Variants in KIF16B observed in about 807,000 individuals in gnomAD.
The protein encoded by KIF16B is kinesin-like protein KIF16B.
Under a neutral mutation model 156.3 loss-of-function variants are expected in KIF16B, and 98 were observed. That is an observed-to-expected ratio of 0.63 (90% CI 0.53 to 0.74). The LOEUF is 0.74. KIF16B is among the 30% of genes least tolerant of loss of function. The pLI, the probability that KIF16B is intolerant of heterozygous loss-of-function variation, is 0.00. For synonymous variants in KIF16B, 564 were observed against 583.7 expected, an observed-to-expected ratio of 0.97 and a Z score of 0.49; for missense variants, 1,421 against 1,606.5, an observed-to-expected ratio of 0.88 and a Z score of 1.97.
intron 1 of KIF16B, among the ~76,000 whole-genome samples, chr20:16,537,702 T>C (rs1454249134): frequency 5.1e-5 from 7 of 138,304 alleles, no homozygotes; most frequent in Non-Finnish European, 7.8e-5. Context: ...TTTCTTTTTT[T>C]CGTTTTTTTT....
chr20:16,512,220 T>C (rs952170649), intron 5 of KIF16B, among the ~76,000 whole-genome samples: 6 of 152,162 alleles, frequency 3.9e-5, no homozygotes, highest in African/African-American at 7.2e-5. Flanking sequence ...GATTATTTCA[T>C]TGAATCTCCA....
At chr20:16,538,396 T>C (rs1194909172) in intron 1 of KIF16B, among the ~76,000 whole-genome samples, 1 of 152,244 alleles carries the variant, frequency 6.6e-6, no homozygotes, top group African/African-American at 2.4e-5. Flanking sequence ...AAGATATTAT[T>C]TGACATTAAT....
chr20:16,526,246 G>A (rs2069541542), intron 2 of KIF16B, 41 bp from the exon 3 acceptor site: 1 of 1,164,152 alleles, frequency 8.6e-7, no homozygotes, highest in Non-Finnish European at 1.2e-6. Flanking sequence ...AATGTAAAGA[G>A]CACTGCCATT....
intron 2 of KIF16B, 134 bp downstream of exon 2, chr20:16,528,237 A>C: frequency 1.5e-6 from 1 of 656,186 alleles, no homozygotes; most frequent in East Asian, 2.7e-5. Flanking sequence ...AGCCAGGTGC[A>C]AGCTGACGTG....
intron 1 of KIF16B, among the ~76,000 whole-genome samples, chr20:16,533,966 AAAAT>A (rs1365849057): frequency 6.6e-6 from 1 of 152,210 alleles, no homozygotes; most frequent in African/African-American, 2.4e-5. Context: ...TAAAAAATAA[AAAAT>A]AAAGATGTGG....
intron 3 of KIF16B, among the ~76,000 whole-genome samples, chr20:16,519,795 T>C (rs912685844): frequency 4.6e-5 from 7 of 152,206 alleles, no homozygotes; most frequent in Non-Finnish European, 5.9e-5. Context: ...AAGTGATTTC[T>C]GGATTTTCAA....
chr20:16,321,865 G>T (rs1207103246), intron 24 of KIF16B, among the ~76,000 whole-genome samples: 14 of 152,006 alleles, frequency 9.2e-5, no homozygotes, highest in Non-Finnish European at 7.4e-5. Context: ...GCAGGAGTGG[G>T]AAATGATGCA....
chr20:16,469,761 C>T (rs564896862), intron 12 of KIF16B, among the ~76,000 whole-genome samples: 6 of 152,034 alleles, frequency 3.9e-5, no homozygotes, highest in Admixed American at 1.3e-4. Flanking sequence ...CAAGACAGTT[C>T]GGCAATTTCT....
At chr20:16,372,931 C>A (rs749379958) in intron 20 of KIF16B, among the ~76,000 whole-genome samples, 8 of 152,188 alleles carry the variant, frequency 5.3e-5, no homozygotes, top group Non-Finnish European at 1.2e-4. Flanking sequence ...CTCCTGACCT[C>A]AGGTGATCTG....
intron 12 of KIF16B, among the ~76,000 whole-genome samples, chr20:16,469,207 G>A (rs1009598972): frequency 9.7e-5 from 14 of 144,634 alleles, no homozygotes; most frequent in African/African-American, 3.6e-4. Context: ...AGCTTATGAT[G>A]GTGCCACTGC....
At chr20:16,500,591 T>C (rs1022185094) in intron 10 of KIF16B, among the ~76,000 whole-genome samples, 1 of 152,198 alleles carries the variant, frequency 6.6e-6, no homozygotes, top group African/African-American at 2.4e-5. Flanking sequence ...TTTTTTCAAT[T>C]ACGAAAGTTG....
intron 12 of KIF16B, among the ~76,000 whole-genome samples, chr20:16,485,666 G>A (rs118015006): frequency 0.019 from 2,962 of 152,190 alleles, 48 homozygotes; most frequent in Non-Finnish European, 0.024. Context: ...AGCCACACTG[G>A]GCCTTTAAAA....
intron 25 of KIF16B, among the ~76,000 whole-genome samples, chr20:16,283,796 G>T (rs1397870946): frequency 6.6e-6 from 1 of 152,110 alleles, no homozygotes; most frequent in Non-Finnish European, 1.5e-5. Flanking sequence ...TGTTAAAAAG[G>T]CTGGGCTCCT....
intron 24 of KIF16B, among the ~76,000 whole-genome samples, chr20:16,313,755 G>A (rs2122722187): frequency 6.6e-6 from 1 of 152,282 alleles, no homozygotes; most frequent in South Asian, 2.1e-4. Context: ...ATGTTGTTAT[G>A]CGTAGCAATA....
At chr20:16,376,623 C>T (rs1237830344) in intron 19 of KIF16B, among the ~76,000 whole-genome samples, 2 of 152,234 alleles carry the variant, frequency 1.3e-5, no homozygotes, top group Non-Finnish European at 2.9e-5. Context: ...TTCATCAAAA[C>T]TCATGAAGCT....
At chr20:16,478,835 T>C (rs1213883261) in intron 12 of KIF16B, among the ~76,000 whole-genome samples, 1 of 152,212 alleles carries the variant, frequency 6.6e-6, no homozygotes, top group Non-Finnish European at 1.5e-5. Flanking sequence ...ATAGTATACA[T>C]AGGGCTCAGT....
intron 12 of KIF16B, among the ~76,000 whole-genome samples, chr20:16,489,681 A>G (rs1600526985): frequency 6.7e-6 from 1 of 150,180 alleles, no homozygotes. Flanking sequence ...TGGGTGACAG[A>G]GTAAAATCCT....
intron 17 of KIF16B, among the ~76,000 whole-genome samples, chr20:16,397,437 C>G (rs2065535808): frequency 1.3e-5 from 2 of 152,174 alleles, no homozygotes; most frequent in South Asian, 2.1e-4. Context: ...TAGGCTGATA[C>G]AATGTTCTTG....
intron 15 of KIF16B, among the ~76,000 whole-genome samples, chr20:16,425,904 C>T (rs2066338850): frequency 6.6e-6 from 1 of 152,126 alleles, no homozygotes; most frequent in Non-Finnish European, 1.5e-5. Context: ...GGCAGCATGA[C>T]TGAGAGGCCT....
Sources: gnomAD v4.1 joint callset for allele counts (sites outside exome capture counted in the v4.1 genomes callset) on GRCh38, gnomAD v4.1.1 for gene constraint, MANE v1.5 for transcripts, NCBI Gene and HGNC (gene_info 2026-07-23, HGNC 2026-07-21) for gene names.